Variants in CCDC60 observed in about 807,000 individuals in gnomAD.
The protein encoded by CCDC60 is coiled-coil domain containing 60, also known as coiled-coil domain-containing protein 60.
In CCDC60, 54 loss-of-function variants were observed where a neutral mutation model predicts 63.5. The observed-to-expected ratio is 0.85, with a 90% CI of 0.68 to 1.07. The LOEUF is 1.07. Among genes scored for constraint, CCDC60 ranks in the 50% least tolerant of loss-of-function variants. The probability of loss-of-function intolerance (pLI) is 0.00; values close to 1 mark genes in which losing one functional copy is unlikely to be tolerated. For missense variants in CCDC60, 651 were observed against 684.3 expected (o/e 0.95, Z 0.54); for synonymous variants, 206 against 238.8 (o/e 0.86, Z 1.27).
intron 5 of CCDC60, among the ~76,000 whole-genome samples, chr12:119,491,368 G>A (rs1253083739): frequency 2.6e-5 from 4 of 151,948 alleles, no homozygotes; most frequent in African/African-American, 4.8e-5. Context: ...TCGCTCTGTC[G>A]CCCAGGCTGG....
chr12:119,397,649 T>C (rs1287946301), intron 1 of CCDC60, among the ~76,000 whole-genome samples: 1 of 146,050 alleles, frequency 6.8e-6, no homozygotes, highest in African/African-American at 2.6e-5. Context: ...CCCAGCTGGC[T>C]TCGCCTGGTG....
chr12:119,373,182 A>G (rs1478253740), intron 1 of CCDC60, among the ~76,000 whole-genome samples: 2 of 152,200 alleles, frequency 1.3e-5, no homozygotes, highest in Admixed American at 1.3e-4. Context: ...ACCCTGGAGC[A>G]ACTTCAACTT....
At chr12:119,358,350 A>C (rs1338519536) in intron 1 of CCDC60, among the ~76,000 whole-genome samples, 1 of 152,196 alleles carries the variant, frequency 6.6e-6, no homozygotes, top group Non-Finnish European at 1.5e-5. Flanking sequence ...CTATTATAAA[A>C]GGGTGAGTTT....
intron 1 of CCDC60, among the ~76,000 whole-genome samples, chr12:119,389,907 G>A (rs1420739016): frequency 6.6e-6 from 1 of 152,152 alleles, no homozygotes; most frequent in African/African-American, 2.4e-5. Flanking sequence ...GGAAGACAAA[G>A]ATGACTTTCT....
intron 9 of CCDC60, among the ~76,000 whole-genome samples, chr12:119,520,721 T>C (rs1952503408): frequency 6.6e-6 from 1 of 152,056 alleles, no homozygotes; most frequent in Non-Finnish European, 1.5e-5. Flanking sequence ...TTTGTATTTT[T>C]AGTAGAGACA....
chr12:119,380,585 A>G lies in CCDC60; in HGVS notation c.90+45319A>G, dbSNP rs11064766. On this transcript the variant is annotated intron_variant, in intron 1 of 13. Transcript: ENST00000327554. ...TGAGGATGGGGCAGTTACTAACAGC[A>G]GATGGTGAAATGATTTTTCAGTGTT... 1.4e-4 allele frequency among the ~76,000 whole-genome samples: 21 copies of G among 152,368 alleles called. No homozygotes were observed. The East Asian group carries it at 3.9e-3, about 28-fold the overall frequency.
chr12:119,528,039 T>C (rs1771431198), intron 11 of CCDC60, among the ~76,000 whole-genome samples: 2 of 152,028 alleles, frequency 1.3e-5, no homozygotes, highest in South Asian at 4.2e-4. Flanking sequence ...AGGATGAGGA[T>C]AAAGCTGGAA....
intron 1 of CCDC60, among the ~76,000 whole-genome samples, chr12:119,337,763 G>C (rs1376979297): frequency 6.6e-6 from 1 of 152,000 alleles, no homozygotes; most frequent in Non-Finnish European, 1.5e-5. Context: ...GTATCAGAGG[G>C]TGTTGTGGGA....
chr12:119,474,835 C>T (rs141054306), intron 3 of CCDC60, among the ~76,000 whole-genome samples: 13 of 152,090 alleles, frequency 8.5e-5, no homozygotes, highest in African/African-American at 2.7e-4. Flanking sequence ...AGAGAGACTC[C>T]ATCTCTCTTT....
At chr12:119,494,650 T>TAAAA in intron 5 of CCDC60, among the ~76,000 whole-genome samples, 1 of 152,092 alleles carries the variant, frequency 6.6e-6, no homozygotes, top group Admixed American at 6.6e-5. Context: ...CACATATGAG[T>TAAAA]AAAAGGCAAC....
At chr12:119,523,881 C>A in intron 11 of CCDC60, 63 bp downstream of exon 11, 1 of 1,516,774 alleles carries the variant, frequency 6.6e-7, no homozygotes, top group Non-Finnish European at 9.0e-7. Context: ...TATATGCCTG[C>A]CAGGTGCCAG....
At chr12:119,350,125 T>C (rs2136152418) in intron 1 of CCDC60, among the ~76,000 whole-genome samples, 1 of 152,292 alleles carries the variant, frequency 6.6e-6, no homozygotes, top group East Asian at 1.9e-4. Context: ...ATGTGGGGTG[T>C]GCCCCTATCT....
chr12:119,391,658 G>A (rs575584376), intron 1 of CCDC60, among the ~76,000 whole-genome samples: 143 of 152,364 alleles, frequency 9.4e-4, no homozygotes, highest in African/African-American at 3.2e-3. Context: ...ATGCTGCGGT[G>A]TCTGGCACCT....
chr12:119,339,546 G>A (rs1169857421), intron 1 of CCDC60, among the ~76,000 whole-genome samples: 4 of 152,130 alleles, frequency 2.6e-5, no homozygotes, highest in Admixed American at 6.6e-5. Context: ...ACACTTTGGG[G>A]GGGGCCGAGG....
In CCDC60 at chr12:119,388,657, T is replaced by C. The variant is rs375850683; in HGVS notation, c.91-40026T>C. On this transcript the variant is annotated intron_variant, in intron 1 of 13. Coordinates refer to ENST00000327554, the MANE Select transcript of CCDC60 (RefSeq NM_178499.5). Reference sequence around the variant, plus strand: ...TCTCTTTTCATTGATTTGCAAAGTTTCTATATGTACATCTTGGAAACACAT... The same window carrying C: ...TCTCTTTTCATTGATTTGCAAAGTTCCTATATGTACATCTTGGAAACACAT... Among the ~76,000 whole-genome samples the C allele has an allele frequency of 9.2e-5, 14 of 152,370 alleles. No homozygotes were observed. In the East Asian group the frequency reaches 1.7e-3, roughly 19 times the overall value.
intron 2 of CCDC60, among the ~76,000 whole-genome samples, chr12:119,445,062 G>GA (rs1399665731): frequency 6.6e-6 from 1 of 152,012 alleles, no homozygotes; most frequent in Non-Finnish European, 1.5e-5. Context: ...CATACAACTG[G>GA]AATAGAAAGA....
intron 1 of CCDC60, among the ~76,000 whole-genome samples, chr12:119,358,334 T>C (rs1955738953): frequency 6.6e-6 from 1 of 152,152 alleles, no homozygotes; most frequent in African/African-American, 2.4e-5. Context: ...ATGGATGGGA[T>C]TATTGCTATT....
intron 1 of CCDC60, among the ~76,000 whole-genome samples, chr12:119,406,686 CAA>C (rs566917825): frequency 5.9e-5 from 8 of 134,718 alleles, no homozygotes; most frequent in Middle Eastern, 3.8e-3. Flanking sequence ...CTGAATATAG[CAA>C]AAAAAAAAAA....
intron 11 of CCDC60, among the ~76,000 whole-genome samples, 155 bp downstream of exon 11, chr12:119,523,973 A>G (rs1475202246): frequency 6.6e-6 from 1 of 152,216 alleles, no homozygotes; most frequent in Non-Finnish European, 1.5e-5. Context: ...TATGGGCAGA[A>G]ACAAAATAAC....
Sources: allele counts gnomAD v4.1 joint callset (sites outside exome capture counted in the v4.1 genomes callset), GRCh38; gene constraint gnomAD v4.1.1; transcripts MANE v1.5; gene names NCBI Gene and HGNC (gene_info 2026-07-23, HGNC 2026-07-21).